The following CYRIB variants were observed in gnomAD, a reference collection of about 807,000 sequenced individuals.
CYRIB encodes CYFIP-related Rac1 interactor B.
In CYRIB, 8 loss-of-function variants were observed where a neutral mutation model predicts 44.2. That is an observed-to-expected ratio of 0.18 (90% CI 0.11 to 0.33). The LOEUF is 0.33. Among genes scored for constraint, CYRIB ranks in the 10% least tolerant of loss-of-function variants. The pLI is 1.00. For synonymous variants in CYRIB, 131 were observed against 127.2 expected (o/e 1.03, Z -0.20); for missense variants, 185 against 382.8 (o/e 0.48, Z 4.31).
chr8:129,943,081 C>T (rs973406797), upstream of CYRIB, among the ~76,000 whole-genome samples: 21 of 118,082 alleles, frequency 1.8e-4, no homozygotes, highest in South Asian at 1.8e-3. Context: ...ATTTTTGCAC[C>T]GCCCACCCGC....
At position 129,987,186 on chromosome 8, in the gene CYRIB, G is replaced by A. The variant is rs371325194; in HGVS notation, c.-295-16191C>T. Among the ~76,000 whole-genome samples, 24 of 152,320 alleles carry A rather than the reference G, an allele frequency of 1.6e-4. 1 individual carries two copies. The South Asian group carries it at 5.0e-3, about 32-fold the overall frequency. On this transcript the variant is annotated intron_variant, in intron 1 of 14. Coordinates refer to the CYRIB transcript ENST00000401979. ...AAACAAGAAAGAAAAGCAGGGCCAC[G>A]ACACAGGAGACAAAACCTGGCCCAC... is the stretch of plus-strand genomic sequence containing the variant.
intron 2 of CYRIB, among the ~76,000 whole-genome samples, chr8:129,892,763 C>T (rs897017744): frequency 6.6e-6 from 1 of 152,154 alleles, no homozygotes; most frequent in African/African-American, 2.4e-5. Context: ...AACTATAATA[C>T]TGTGCAAACA....
At chr8:129,953,091 CACCT>C (rs1356119585) in intron 2 of CYRIB, among the ~76,000 whole-genome samples, 1 of 152,196 alleles carries the variant, frequency 6.6e-6, no homozygotes, top group Non-Finnish European at 1.5e-5. Context: ...CATCTAGGGT[CACCT>C]ACTTGGGGGA....
intron 1 of CYRIB, among the ~76,000 whole-genome samples, chr8:129,980,633 C>T (rs940834787): frequency 8.6e-5 from 13 of 151,428 alleles, no homozygotes; most frequent in African/African-American, 3.2e-4. Context: ...CACTGCACTC[C>T]AGCCTGGGCC....
At chr8:129,857,798 G>A (rs2046994228) in intron 5 of CYRIB, among the ~76,000 whole-genome samples, 1 of 152,162 alleles carries the variant, frequency 6.6e-6, no homozygotes, top group African/African-American at 2.4e-5. Flanking sequence ...AACTAAGTAA[G>A]AGAGACACCG....
chr8:129,875,558 T>C (rs1223631545), intron 3 of CYRIB, among the ~76,000 whole-genome samples: 1 of 152,126 alleles, frequency 6.6e-6, no homozygotes, highest in Non-Finnish European at 1.5e-5. Flanking sequence ...TGCTGCCAAA[T>C]TTTATGGAGC....
intron 1 of CYRIB, among the ~76,000 whole-genome samples, chr8:130,011,186 T>G (rs1260026602): frequency 6.6e-6 from 1 of 152,098 alleles, no homozygotes; most frequent in Non-Finnish European, 1.5e-5. Flanking sequence ...CATTACTCAG[T>G]GGCCCTCTCC....
Position 129,862,347 on chromosome 8 carries a change from A to G in CYRIB, c.196-13T>C, listed in dbSNP as rs1171214615. On this transcript the variant is annotated splice_polypyrimidine_tract_variant and intron_variant, in intron 4 of 11. Transcript: ENST00000519824. ...GATGCTGGATTGCCTTCAAAATCCAAAGAATAAAAATAGTTAGAGTTAAAA... is the reference window on the plus strand; with the variant it reads ...GATGCTGGATTGCCTTCAAAATCCAGAGAATAAAAATAGTTAGAGTTAAAA... The G allele has an allele frequency of 1.3e-6, 2 of 1,591,408 alleles. No individual in the cohort carries two copies. Among genetic ancestry groups the G allele is most frequent in the Non-Finnish European group, 8.6e-7 (1 of 1,165,656 alleles).
At chr8:129,843,809 C>T (rs1197541702) in intron 11 of CYRIB, 1 of 152,188 alleles carries the variant, frequency 6.6e-6, no homozygotes, top group Non-Finnish European at 1.5e-5. Context: ...CCGAAGAATG[C>T]TTATTAAGTA....
At chr8:129,981,876 G>A (rs570179788) in intron 1 of CYRIB, among the ~76,000 whole-genome samples, 4 of 152,284 alleles carry the variant, frequency 2.6e-5, no homozygotes, top group African/African-American at 7.2e-5. Context: ...TGGTCCACCC[G>A]ACCACTGTCC....
chr8:129,860,982 G>C (rs2049096106), intron 5 of CYRIB, among the ~76,000 whole-genome samples: 1 of 151,970 alleles, frequency 6.6e-6, no homozygotes, highest in Non-Finnish European at 1.5e-5. Context: ...TTAGCTTTTG[G>C]GTCCCCAGTT....
At chr8:129,955,582 C>T (rs891677079) in intron 2 of CYRIB, among the ~76,000 whole-genome samples, 1 of 152,308 alleles carries the variant, frequency 6.6e-6, no homozygotes, top group African/African-American at 2.4e-5. Context: ...CTTATGGTAA[C>T]AGCCCTATTT....
At chr8:130,012,439 G>A (rs561761909) in intron 1 of CYRIB, among the ~76,000 whole-genome samples, 2 of 152,226 alleles carry the variant, frequency 1.3e-5, no homozygotes, top group Non-Finnish European at 2.9e-5. Flanking sequence ...TCAGGGGAGG[G>A]TAAGACATTG....
At chr8:129,883,470 C>G (rs757273758) in intron 2 of CYRIB, among the ~76,000 whole-genome samples, 3 of 152,126 alleles carry the variant, frequency 2.0e-5, no homozygotes, top group Non-Finnish European at 4.4e-5. Flanking sequence ...TCTCTTTGAA[C>G]AAAAACTCAT....
intron 4 of CYRIB, among the ~76,000 whole-genome samples, chr8:129,862,898 T>A (rs1395457813): frequency 8.5e-5 from 13 of 152,192 alleles, no homozygotes; most frequent in Admixed American, 8.5e-4. Flanking sequence ...GATACATAAC[T>A]AACATAATAC....
upstream of CYRIB, among the ~76,000 whole-genome samples, chr8:129,943,715 C>T (rs1313299431): frequency 1.4e-5 from 2 of 146,410 alleles, no homozygotes; most frequent in Non-Finnish European, 3.0e-5. Context: ...TCTCCTGCCT[C>T]AGCCTCCCGA....
At chr8:129,960,095 C>G (rs1031007395) in intron 2 of CYRIB, among the ~76,000 whole-genome samples, 9 of 152,162 alleles carry the variant, frequency 5.9e-5, no homozygotes, top group Admixed American at 5.9e-4. Flanking sequence ...ATGACACTTG[C>G]AATTCAAAGC....
At position 129,907,625 on chromosome 8, in the gene CYRIB, T is replaced by G. The variant is rs183379288; in HGVS notation, c.-49-4275A>C. ...ACTATATATATATGAAAAAAAAAATTTGCTGGCCTCCAGCAAGACATGAGT... is the reference window on the plus strand; with the variant it reads ...ACTATATATATATGAAAAAAAAAATGTGCTGGCCTCCAGCAAGACATGAGT... On this transcript the variant is annotated intron_variant, in intron 1 of 11. Coordinates refer to ENST00000519824, the Ensembl canonical transcript of CYRIB. Among the ~76,000 whole-genome samples the G allele has an allele frequency of 9.5e-4, 145 of 152,164 alleles. 1 individual carries two copies. The highest frequency in any genetic ancestry group is 3.3e-3 in the African/African-American group (138 of 41,506).
At chr8:129,944,359 A>T (rs1028856888), upstream of CYRIB, among the ~76,000 whole-genome samples, 1 of 152,216 alleles carries the variant, frequency 6.6e-6, no homozygotes, top group African/African-American at 2.4e-5. Flanking sequence ...CTGGGGGAAG[A>T]GGAGACTGGG....
Sources: gnomAD v4.1 joint callset for allele counts (sites outside exome capture counted in the v4.1 genomes callset) on GRCh38, gnomAD v4.1.1 for gene constraint, MANE v1.5 for transcripts, NCBI Gene and HGNC (gene_info 2026-07-23, HGNC 2026-07-21) for gene names.